The following FMO5 variants were observed in gnomAD, a reference collection of about 807,000 sequenced individuals.
FMO5 encodes the protein flavin containing dimethylaniline monoxygenase 5, also known as flavin-containing monooxygenase 5.
A neutral mutation model predicts 43.6 loss-of-function variants in FMO5; 51 were observed. The observed-to-expected ratio is 1.17, with a 90% confidence interval of 0.93 to 1.48. The LOEUF is 1.48. Among genes scored for constraint, FMO5 ranks in the 40% most tolerant of loss-of-function variants. The probability of loss-of-function intolerance (pLI) is 0.00; values close to 1 mark genes in which losing one functional copy is unlikely to be tolerated. For synonymous variants in FMO5, 187 were observed against 216.5 expected, an observed-to-expected ratio of 0.86 and a Z score of 1.20; for missense variants, 644 against 643.0, an observed-to-expected ratio of 1.00 and a Z score of -0.02.
rs370487793 is a variant in FMO5 at position 147,217,541 on chromosome 1, C to A, written c.136-1599G>T. ...AGTGTTTGTTGTTTGTTGGCTTTGT[C>A]CACCTTTAGGATTGTTTTTCTCCCA... is the stretch of plus-strand genomic sequence containing the variant. On this transcript the variant is annotated intron_variant, in intron 2 of 8. Coordinates refer to ENST00000254090, the MANE Select transcript of FMO5 (RefSeq NM_001461.4). Among the ~76,000 whole-genome samples, 55 of 152,266 alleles carry A rather than the reference C, an allele frequency of 3.6e-4. No individual in the cohort carries two copies. The Middle Eastern group carries it at 0.01, about 28-fold the overall frequency.
chr1:147,203,674 G>A, intron 6 of FMO5: 1 of 1,456,944 alleles, frequency 6.9e-7, no homozygotes, highest in Non-Finnish European at 9.6e-7. Flanking sequence ...TGATCTGTTT[G>A]GCTAATTCAA....
chr1:147,194,411 G>A lies in FMO5; in HGVS notation c.1184-4162C>T, dbSNP rs587724898. 6.6e-5 allele frequency among the ~76,000 whole-genome samples: 10 copies of A among 152,230 alleles called. No individual in the cohort carries two copies. In the South Asian group the frequency reaches 1.9e-3, roughly 28 times the overall value. Reference sequence around the variant, plus strand: ...TGAGCCTATGTGTGTCTCTGCACATGAGATGGGTTTCCTGAATACAGCACA... The same window carrying A: ...TGAGCCTATGTGTGTCTCTGCACATAAGATGGGTTTCCTGAATACAGCACA... On this transcript the variant is annotated intron_variant, in intron 7 of 8. Transcript: ENST00000254090.
At chr1:147,205,014 A>G (rs1659730731) in intron 6 of FMO5, 2 of 761,266 alleles carry the variant, frequency 2.6e-6, no homozygotes, top group African/African-American at 3.4e-5. Context: ...ATGAACCTGG[A>G]GATACATTCA....
At chr1:147,187,302 C>T in intron 8 of FMO5, 57 bp from the exon 9 acceptor site, 1 of 1,279,500 alleles carries the variant, frequency 7.8e-7, no homozygotes, top group Non-Finnish European at 1.1e-6. Flanking sequence ...GTCAGTCAAT[C>T]AATTACTGCC....
Position 147,187,030 on chromosome 1 carries a change from G to A in FMO5, c.1472C>T (p.Thr491Ile). 1 of 1,614,116 alleles carries A rather than the reference G, an allele frequency of 6.2e-7. No individual in the cohort carries two copies. Among genetic ancestry groups the A allele is most frequent in the Non-Finnish European group, 8.5e-7 (1 of 1,180,020 alleles). ...WDGARKAILTTDDRIRKPLMT... is the reference protein window; with the variant it reads ...WDGARKAILTIDDRIRKPLMT... ...CAGAGGCTTCCTGATGCGATCATCT[G>A]TGGTGAGGATAGCTTTTCGAGCCCC... Residue 491 changes from threonine to isoleucine, a missense_variant, in exon 9 of 9, where the codon ACA becomes ATA. By Grantham distance (89) the Thr-to-Ile change is moderately conservative (BLOSUM62 -1). Coordinates refer to ENST00000254090, the MANE Select transcript of FMO5 (RefSeq NM_001461.4).
chr1:147,205,887 C>A (rs55760863), intron 6 of FMO5, among the ~76,000 whole-genome samples: 5,591 of 151,964 alleles, frequency 0.037, 147 homozygotes, highest in South Asian at 0.095. Context: ...CACCAAAAGC[C>A]ATGGCAACAA....
chr1:147,196,506 A>C (rs1553919860), intron 7 of FMO5, among the ~76,000 whole-genome samples: 1 of 152,024 alleles, frequency 6.6e-6, no homozygotes, highest in African/African-American at 2.4e-5. Context: ...AACAACAAAA[A>C]ACCCTATCTA....
intron 7 of FMO5, 39 bp from the exon 8 acceptor site, chr1:147,190,288 T>A (rs1553918189): frequency 8.1e-7 from 1 of 1,231,366 alleles, no homozygotes; most frequent in Admixed American, 1.8e-5. Context: ...TAAAATTACC[T>A]CAGAAGGAAC....
chr1:147,189,425 C>T (rs187765718), intron 8 of FMO5, among the ~76,000 whole-genome samples: 241 of 152,084 alleles, frequency 1.6e-3, no homozygotes, highest in Non-Finnish European at 2.6e-3. Context: ...GAAGTTGTAA[C>T]GGAATTAAAT....
intron 7 of FMO5, among the ~76,000 whole-genome samples, chr1:147,194,225 G>C (rs587596927): frequency 4.6e-5 from 7 of 152,174 alleles, no homozygotes; most frequent in Non-Finnish European, 1.0e-4. Context: ...GGATAGTTAG[G>C]TCTTCTTGTT....
At chr1:147,192,221 C>G (rs1553918735) in intron 7 of FMO5, among the ~76,000 whole-genome samples, 3 of 151,926 alleles carry the variant, frequency 2.0e-5, no homozygotes, top group Non-Finnish European at 4.4e-5. Context: ...TGAAGAGGTC[C>G]TTCACATCCC....
intron 6 of FMO5, chr1:147,203,501 C>T: frequency 3.5e-6 from 3 of 863,858 alleles, no homozygotes; most frequent in Non-Finnish European, 6.1e-6. Flanking sequence ...TTTTTATTTC[C>T]TTCTTGAGGT....
intron 2 of FMO5, among the ~76,000 whole-genome samples, chr1:147,219,407 T>C (rs1226704080): frequency 6.6e-6 from 1 of 152,188 alleles, no homozygotes; most frequent in African/African-American, 2.4e-5. Context: ...TCTTTTATTT[T>C]TGTTAAAATG....
downstream of FMO5, chr1:147,184,388 A>G (rs1164775560): frequency 4.9e-6 from 6 of 1,229,288 alleles, no homozygotes; most frequent in Non-Finnish European, 6.4e-6. This position sits in a 1 kb window ranked among gnomAD's most constrained non-coding sequence, Gnocchi z 4.4. Context: ...ATATTGATAC[A>G]TTATTAACCA....
chr1:147,192,040 C>T (rs1227253023), intron 7 of FMO5, among the ~76,000 whole-genome samples: 1 of 152,128 alleles, frequency 6.6e-6, no homozygotes, highest in Non-Finnish European at 1.5e-5. Context: ...TTTTCCAATT[C>T]TGTGAAGAAA....
chr1:147,203,965 T>G, intron 6 of FMO5: 2 of 1,225,728 alleles, frequency 1.6e-6, no homozygotes, highest in East Asian at 2.3e-5. Context: ...TTTTACAGAG[T>G]CTTCGGACAT....
chr1:147,203,464 A>G (rs890121527), intron 6 of FMO5: 24 of 829,154 alleles, frequency 2.9e-5, no homozygotes, highest in Non-Finnish European at 5.0e-5. Context: ...TACAGCAGGG[A>G]CTACAGCCTC....
At chr1:147,201,540 GAGAA>G in intron 6 of FMO5, 36 bp from the exon 7 acceptor site, 1 of 1,533,348 alleles carries the variant, frequency 6.5e-7, no homozygotes, top group Non-Finnish European at 8.9e-7. Context: ...GGAGAAATGA[GAGAA>G]AGAGAAATCA....
At chr1:147,216,420 T>A (rs986927272) in intron 2 of FMO5, among the ~76,000 whole-genome samples, 2 of 151,038 alleles carry the variant, frequency 1.3e-5, no homozygotes, top group Admixed American at 1.3e-4. Flanking sequence ...TGAGTAATAG[T>A]CTTTTAAATG....
Sources: allele counts gnomAD v4.1 joint callset (sites outside exome capture counted in the v4.1 genomes callset), GRCh38; gene constraint gnomAD v4.1.1; non-coding constraint Gnocchi (gnomAD v3.1); transcripts MANE v1.5; gene names NCBI Gene and HGNC (gene_info 2026-07-23, HGNC 2026-07-21).